The following NCBP1 variants were observed in gnomAD, a reference collection of about 807,000 sequenced individuals.
The protein encoded by NCBP1 is nuclear cap binding protein subunit 1.
NCBP1 carries 16 observed loss-of-function variants against 111.7 expected under a neutral mutation model. The ratio of observed to expected loss-of-function variants is 0.14; its 90% confidence interval spans 0.10 to 0.22. The LOEUF is 0.22. NCBP1 is among the 10% of genes least tolerant of loss of function. The probability of loss-of-function intolerance (pLI) is 1.00; values close to 1 mark genes in which losing one functional copy is unlikely to be tolerated. For synonymous variants in NCBP1, 304 were observed against 314.3 expected (o/e 0.97, Z 0.35); for missense variants, 607 against 957.5 (o/e 0.63, Z 4.83).
intron 1 of NCBP1, among the ~76,000 whole-genome samples, chr9:97,637,277 A>G (rs967435664): frequency 1.3e-5 from 2 of 152,246 alleles, no homozygotes; most frequent in Admixed American, 1.3e-4. Context: ...AATGGAAAGT[A>G]ATGTGTATGG....
intron 4 of NCBP1, among the ~76,000 whole-genome samples, chr9:97,644,405 T>C (rs1301259143): frequency 6.6e-6 from 1 of 152,180 alleles, no homozygotes; most frequent in African/African-American, 2.4e-5. Flanking sequence ...AGGCTGTTGC[T>C]ATCCTTTATG....
chr9:97,666,906 T>A, intron 20 of NCBP1, 29 bp downstream of exon 20: 1 of 1,424,240 alleles, frequency 7.0e-7, no homozygotes, highest in Non-Finnish European at 9.6e-7. Flanking sequence ...TGTAAGTAGT[T>A]AAAGAAAATA....
intron 14 of NCBP1, 57 bp downstream of exon 14, chr9:97,656,142 C>G: frequency 1.5e-6 from 2 of 1,356,454 alleles, no homozygotes; most frequent in East Asian, 4.6e-5. Flanking sequence ...TTTCTCTTCT[C>G]TGCACTTGTG....
At chr9:97,664,283 A>T (rs917647763) in intron 18 of NCBP1, 57 bp from the exon 19 acceptor site, 47 of 1,108,758 alleles carry the variant, frequency 4.2e-5, no homozygotes, top group Non-Finnish European at 6.2e-5. Context: ...GTGGTGGCAC[A>T]TATATATGTG....
At chr9:97,662,176 T>A in intron 17 of NCBP1, 32 bp downstream of exon 17, 3 of 1,531,048 alleles carry the variant, frequency 2.0e-6, no homozygotes, top group Non-Finnish European at 2.7e-6. Flanking sequence ...TGCTTGAGAG[T>A]TTGGAATTTT....
intron 14 of NCBP1, 137 bp downstream of exon 14, chr9:97,656,222 G>C: frequency 1.3e-6 from 1 of 746,900 alleles, no homozygotes. Flanking sequence ...TCAAGACTTA[G>C]GCTAAGAAAA....
At position 97,662,946 on chromosome 9, in the gene NCBP1, A is replaced by G. The variant is rs777615947; in HGVS notation, c.1704-8A>G. 2 of 1,597,384 alleles carry G rather than the reference A, an allele frequency of 1.3e-6. No homozygotes were observed. Among genetic ancestry groups the G allele is most frequent in the South Asian group, 1.1e-5 (1 of 89,340 alleles). On this transcript the variant is annotated splice_polypyrimidine_tract_variant and splice_region_variant and intron_variant, in intron 17 of 22. Coordinates refer to ENST00000375147, the MANE Select transcript of NCBP1 (RefSeq NM_002486.5). ...TATATGGTATTTTTTTCCCATCATTATCAAAAGGTTTCATGAAGTCTTCAA... is the reference window on the plus strand; with the variant it reads ...TATATGGTATTTTTTTCCCATCATTGTCAAAAGGTTTCATGAAGTCTTCAA...
chr9:97,649,172 T>G (rs1317876477), intron 8 of NCBP1, among the ~76,000 whole-genome samples: 1 of 152,324 alleles, frequency 6.6e-6, no homozygotes, highest in East Asian at 1.9e-4. Context: ...TAAGCTGACT[T>G]TATCATTTTT....
intron 11 of NCBP1, among the ~76,000 whole-genome samples, 189 bp from the exon 12 acceptor site, chr9:97,654,691 G>A (rs1827597104): frequency 6.6e-6 from 1 of 152,090 alleles, no homozygotes; most frequent in African/African-American, 2.4e-5. Flanking sequence ...GTGTATGCAG[G>A]TCAGATTCAT....
At chr9:97,634,714 A>T (rs553873264) in intron 1 of NCBP1, 2 of 152,360 alleles carry the variant, frequency 1.3e-5, no homozygotes, top group South Asian at 2.1e-4. Flanking sequence ...CCACACACCA[A>T]AAAAGTAAAA....
At chr9:97,636,109 G>T (rs937478029) in intron 1 of NCBP1, 1 of 152,180 alleles carries the variant, frequency 6.6e-6, no homozygotes, top group Non-Finnish European at 1.5e-5. Flanking sequence ...TGATATTTTA[G>T]TGTGGGAGAG....
At chr9:97,662,837 G>C (rs116865109) in intron 17 of NCBP1, 117 bp from the exon 18 acceptor site, 107 of 727,858 alleles carry the variant, frequency 1.5e-4, no homozygotes, top group Non-Finnish European at 2.2e-4. Context: ...TTAATACTTA[G>C]TTATTTTGCA....
At chr9:97,655,563 A>T (rs764606121) in intron 12 of NCBP1, 139 bp from the exon 13 acceptor site, 1 of 592,520 alleles carries the variant, frequency 1.7e-6, no homozygotes, top group Non-Finnish European at 2.9e-6. Flanking sequence ...GGCAGAAGAT[A>T]CAACTGCATG....
Position 97,669,716 on chromosome 9 carries a change from G to A in NCBP1, c.2259+10G>A. On this transcript the variant is annotated intron_variant, in intron 22 of 22. Coordinates refer to ENST00000375147, the MANE Select transcript of NCBP1 (RefSeq NM_002486.5). ...GCAGATCTTCCTACAGGTATGTGGG[G>A]AACTTCGATTAGGTAATAACACTAT... The A allele has an allele frequency of 4.6e-6, 7 of 1,505,926 alleles. No individual in the cohort carries two copies. The highest frequency in any genetic ancestry group is 6.5e-6 in the Non-Finnish European group (7 of 1,081,802). 93.3% of individuals were successfully genotyped at this position (1,505,926 alleles called of 1,614,324 possible).
rs780252054 is a variant in NCBP1, at chr9:97,647,472, A to C, written c.612-20A>C. 6.3e-7 allele frequency: 1 copy of C among 1,596,150 alleles called. No homozygotes were observed. The highest frequency in any genetic ancestry group is 1.7e-5 in the Admixed American group (1 of 59,682). On this transcript the variant is annotated intron_variant, in intron 6 of 22. Transcript: ENST00000375147. ...CTTGTTTTTAAAAGCCTAAATGTAG[A>C]TTTTCATTTTTATCTTTAGAAGACG...
intron 14 of NCBP1, among the ~76,000 whole-genome samples, chr9:97,656,722 C>T (rs1490470882): frequency 2.0e-5 from 3 of 152,058 alleles, no homozygotes; most frequent in Admixed American, 1.3e-4. Flanking sequence ...CCTAGAGACC[C>T]ATTACGTTGG....
At chr9:97,665,854 C>T (rs755729184) in intron 19 of NCBP1, among the ~76,000 whole-genome samples, 6 of 142,534 alleles carry the variant, frequency 4.2e-5, no homozygotes, top group South Asian at 2.2e-4. Context: ...TTAGTGATAA[C>T]GTAGTCAATT....
chr9:97,663,283 C>T (rs866941411), intron 18 of NCBP1, among the ~76,000 whole-genome samples: 20 of 152,074 alleles, frequency 1.3e-4, no homozygotes, highest in African/African-American at 4.6e-4. Flanking sequence ...TTTAAATGTT[C>T]AGGAAAAGGT....
intron 19 of NCBP1, among the ~76,000 whole-genome samples, chr9:97,665,096 T>C (rs1208173432): frequency 2.6e-5 from 4 of 152,198 alleles, no homozygotes; most frequent in Non-Finnish European, 5.9e-5. Flanking sequence ...AAATTACTTG[T>C]AAAAACATAA....
Sources: allele counts gnomAD v4.1 joint callset (sites outside exome capture counted in the v4.1 genomes callset), GRCh38; gene constraint gnomAD v4.1.1; transcripts MANE v1.5; gene names NCBI Gene and HGNC (gene_info 2026-07-23, HGNC 2026-07-21).